CACNA1E: variants seen among roughly 807,000 people sequenced by gnomAD.
CACNA1E encodes calcium voltage-gated channel subunit alpha1 E, also known as voltage-dependent R-type calcium channel subunit alpha-1E.
In CACNA1E, 40 loss-of-function variants were observed where a neutral mutation model predicts 259.2. The ratio of observed to expected loss-of-function variants is 0.15; its 90% CI spans 0.12 to 0.20. The LOEUF is 0.20. CACNA1E is among the 10% of genes least tolerant of loss of function. The probability of loss-of-function intolerance (pLI) is 1.00; values close to 1 mark genes in which losing one functional copy is unlikely to be tolerated. For synonymous variants in CACNA1E, 1,104 were observed against 1,138.5 expected (o/e 0.97, Z 0.61); for missense variants, 1,874 against 3,040.1 (o/e 0.62, Z 9.02).
intron 3 of CACNA1E, among the ~76,000 whole-genome samples, chr1:181,522,935 C>T (rs1667098547): frequency 6.6e-6 from 1 of 152,356 alleles, no homozygotes; most frequent in Non-Finnish European, 1.5e-5. Context: ...CCCTGCTCTT[C>T]TGTTGTCCTT....
chr1:181,510,585 A>T lies in CACNA1E; in HGVS notation c.372+3A>T. 3 of 1,576,780 alleles carry T rather than the reference A, an allele frequency of 1.9e-6. No individual in the cohort carries two copies. The highest frequency in any genetic ancestry group is 2.6e-6 in the Non-Finnish European group (3 of 1,146,004). ...AGACCCCCATGTCCCGAAGACTGGT[A>T]TGTGATTCCCCTCCTTCTCCCCTTT... On this transcript the variant is annotated splice_donor_region_variant and intron_variant, in intron 2 of 47. Transcript: ENST00000367573.
chr1:181,467,017 C>G (rs1204078593), intron 2 of CACNA1E, among the ~76,000 whole-genome samples: 1 of 152,202 alleles, frequency 6.6e-6, no homozygotes, highest in Non-Finnish European at 1.5e-5. Context: ...TGAGAAACAG[C>G]AGTGCATTAA....
intron 1 of CACNA1E, among the ~76,000 whole-genome samples, chr1:181,509,785 G>C (rs139988737): frequency 7.9e-5 from 12 of 152,280 alleles, no homozygotes; most frequent in Non-Finnish European, 1.5e-4. Flanking sequence ...TTGCTGTCCA[G>C]GATTCCAGAC....
chr1:181,494,625 A>G (rs1347876546), intron 1 of CACNA1E, among the ~76,000 whole-genome samples: 9 of 152,178 alleles, frequency 5.9e-5, no homozygotes, highest in Non-Finnish European at 1.5e-5. Context: ...CCACATTTTA[A>G]ATATGGGGAA....
intron 3 of CACNA1E, among the ~76,000 whole-genome samples, chr1:181,539,607 T>A (rs1026170805): frequency 5.9e-5 from 9 of 152,252 alleles, no homozygotes; most frequent in Non-Finnish European, 1.2e-4. Context: ...ATGCTCTGTA[T>A]GAGCCTCTCA....
Position 181,557,559 on chromosome 1 carries a change from T to G in CACNA1E, c.513-20207T>G, listed in dbSNP as rs149123426. On this transcript the variant is annotated intron_variant, in intron 3 of 47. Transcript: ENST00000367573. ...AAGACAGAGATAATGAACTTCCTTT[T>G]CACCCCAGTGATTGCCTCCGAGTTC... is the stretch of plus-strand genomic sequence containing the variant. 7.4e-3 allele frequency among the ~76,000 whole-genome samples: 1,129 copies of G among 152,320 alleles called. 7 individuals are homozygous for G. The highest frequency in any genetic ancestry group is 0.011 in the Non-Finnish European group (749 of 68,022).
At chr1:181,526,837 A>G (rs1667397978) in intron 3 of CACNA1E, among the ~76,000 whole-genome samples, 1 of 152,322 alleles carries the variant, frequency 6.6e-6, no homozygotes, top group East Asian at 1.9e-4. Context: ...TATGAGACTA[A>G]ACTGGTATGA....
At chr1:181,751,106 C>A (rs573224188) in intron 26 of CACNA1E, among the ~76,000 whole-genome samples, 1 of 152,124 alleles carries the variant, frequency 6.6e-6, no homozygotes, top group Admixed American at 6.5e-5. Flanking sequence ...TCTGGGTCAA[C>A]ATGAAGAAAG....
chr1:181,767,450 A>T (rs1659119599), intron 35 of CACNA1E, among the ~76,000 whole-genome samples: 1 of 152,228 alleles, frequency 6.6e-6, no homozygotes, highest in African/African-American at 2.4e-5. Context: ...AGATCCCAGC[A>T]TAGAACTTCG....
intron 3 of CACNA1E, among the ~76,000 whole-genome samples, chr1:181,528,723 C>T (rs917289922): frequency 6.6e-6 from 1 of 152,120 alleles, no homozygotes; most frequent in Admixed American, 6.5e-5. Flanking sequence ...TGGCCTATTG[C>T]CCCTGCCCTA....
chr1:181,690,384 T>C (rs994306408), intron 7 of CACNA1E, among the ~76,000 whole-genome samples: 4 of 152,212 alleles, frequency 2.6e-5, no homozygotes, highest in African/African-American at 9.7e-5. Context: ...TGTAGCCTTA[T>C]AGTATAGTTT....
chr1:181,475,909 G>A (rs1455465174), intron 2 of CACNA1E, among the ~76,000 whole-genome samples: 3 of 152,158 alleles, frequency 2.0e-5, no homozygotes, highest in Non-Finnish European at 4.4e-5. Flanking sequence ...GTGTGGAGGG[G>A]GTAGTTGAAA....
chr1:181,358,161 A>G (rs1028401149), intron 1 of CACNA1E, among the ~76,000 whole-genome samples: 3 of 152,156 alleles, frequency 2.0e-5, no homozygotes, highest in Admixed American at 6.5e-5. Flanking sequence ...CTAGCTCTCT[A>G]CGTGGAAGGG....
At chr1:181,737,400 C>A in intron 22 of CACNA1E, 125 bp from the exon 23 acceptor site, 1 of 1,084,712 alleles carries the variant, frequency 9.2e-7, no homozygotes, top group Non-Finnish European at 1.3e-6. Context: ...ATTGCTCTCC[C>A]TGGCGGCTTC....
At chr1:181,723,554 A>G (rs777649401) in intron 16 of CACNA1E, among the ~76,000 whole-genome samples, 1 of 152,126 alleles carries the variant, frequency 6.6e-6, no homozygotes, top group Non-Finnish European at 1.5e-5. Flanking sequence ...TTCTGACGCT[A>G]TCTACCTGGA....
chr1:181,390,644 G>C (rs1301224804), intron 1 of CACNA1E, among the ~76,000 whole-genome samples: 1 of 152,096 alleles, frequency 6.6e-6, no homozygotes, highest in Non-Finnish European at 1.5e-5. Context: ...TACGAGGCTT[G>C]AGCCTGAAAT....
chr1:181,721,580 CG>C (rs1654414933), intron 15 of CACNA1E, among the ~76,000 whole-genome samples, 177 bp from the exon 16 acceptor site: 2 of 149,750 alleles, frequency 1.3e-5, no homozygotes. Flanking sequence ...CTTTTCCATA[CG>C]AAAAAAAAGT....
At chr1:181,607,030 T>A (rs1307393000) in intron 6 of CACNA1E, among the ~76,000 whole-genome samples, 2 of 152,246 alleles carry the variant, frequency 1.3e-5, no homozygotes, top group African/African-American at 4.8e-5. Flanking sequence ...GTTTTTGGAA[T>A]GTTTAATACC....
At chr1:181,355,834 G>A (rs1653389754) in intron 1 of CACNA1E, among the ~76,000 whole-genome samples, 1 of 152,216 alleles carries the variant, frequency 6.6e-6, no homozygotes, top group Admixed American at 6.5e-5. Flanking sequence ...GATACTGAGA[G>A]TGGAGGCATT....
Sources: allele counts gnomAD v4.1 joint callset (sites outside exome capture counted in the v4.1 genomes callset), GRCh38; gene constraint gnomAD v4.1.1; transcripts MANE v1.5; gene names NCBI Gene and HGNC (gene_info 2026-07-23, HGNC 2026-07-21).